The following CD200R1L variants were observed in gnomAD, a reference collection of about 807,000 sequenced individuals.
CD200R1L encodes the protein CD200 receptor 1 like.
In CD200R1L, 14 loss-of-function variants were observed where a neutral mutation model predicts 24.8. That is an observed-to-expected ratio of 0.56 (90% confidence interval 0.37 to 0.88). CD200R1L has a LOEUF of 0.88. Among genes scored for constraint, CD200R1L ranks in the 40% least tolerant of loss-of-function variants. CD200R1L has a pLI of 0.00. For synonymous variants in CD200R1L, 111 were observed against 109.2 expected (o/e 1.02, Z -0.11); for missense variants, 299 against 297.8 (o/e 1.00, Z -0.03).
At chr3:112,839,058 CAT>C (rs1454744886) in intron 2 of CD200R1L, among the ~76,000 whole-genome samples, 3 of 151,826 alleles carry the variant, frequency 2.0e-5, no homozygotes, top group Non-Finnish European at 4.4e-5. Flanking sequence ...CACACACACA[CAT>C]ACACACACAC....
intron 2 of CD200R1L, chr3:112,841,339 T>C: frequency 2.3e-6 from 1 of 442,594 alleles, no homozygotes; most frequent in Non-Finnish European, 4.5e-6. Context: ...ATGCTTCCTG[T>C]ACAGCCTGTG....
chr3:112,819,184 C>G (rs1051856553), intron 7 of CD200R1L, among the ~76,000 whole-genome samples: 1 of 152,126 alleles, frequency 6.6e-6, no homozygotes, highest in Non-Finnish European at 1.5e-5. Flanking sequence ...ATCACCTACA[C>G]CAAGTCCCTC....
chr3:112,830,775 A>G (rs1406835779), intron 3 of CD200R1L, among the ~76,000 whole-genome samples: 1 of 152,040 alleles, frequency 6.6e-6, no homozygotes, highest in East Asian at 1.9e-4. Flanking sequence ...TTTTCTTAAT[A>G]AGTATTTTAC....
chr3:112,819,000 G>A (rs1021408844), intron 7 of CD200R1L, among the ~76,000 whole-genome samples: 1 of 152,166 alleles, frequency 6.6e-6, no homozygotes, highest in Non-Finnish European at 1.5e-5. Context: ...TGGCTTAGGA[G>A]GCCTCAAGAA....
chr3:112,840,773 T>C (rs1159386979), intron 2 of CD200R1L, among the ~76,000 whole-genome samples: 1 of 152,250 alleles, frequency 6.6e-6, no homozygotes, highest in Non-Finnish European at 1.5e-5. Context: ...GCTAGAATTC[T>C]AGCTAGAAAA....
At chr3:112,839,204 A>G (rs1050631734) in intron 2 of CD200R1L, among the ~76,000 whole-genome samples, 2 of 152,212 alleles carry the variant, frequency 1.3e-5, no homozygotes, top group Non-Finnish European at 2.9e-5. Flanking sequence ...ATAAATTTTC[A>G]GAATTGTTTC....
At chr3:112,840,112 C>A (rs999522495) in intron 2 of CD200R1L, among the ~76,000 whole-genome samples, 2 of 152,158 alleles carry the variant, frequency 1.3e-5, no homozygotes, top group African/African-American at 4.8e-5. Context: ...CTGAATGAGG[C>A]CAAATTATTG....
chr3:112,844,587 A>G (rs1939157233), intron 2 of CD200R1L, among the ~76,000 whole-genome samples: 1 of 152,240 alleles, frequency 6.6e-6, no homozygotes. Context: ...ACCTACATCA[A>G]GAAGTTAGAA....
At chr3:112,834,213 G>A (rs1214726920) in intron 3 of CD200R1L, among the ~76,000 whole-genome samples, 5 of 151,124 alleles carry the variant, frequency 3.3e-5, no homozygotes, top group Admixed American at 2.0e-4. Flanking sequence ...TAGAAGTGGG[G>A]TAGTCTCACT....
At chr3:112,821,711 G>T (rs573346856) in intron 6 of CD200R1L, among the ~76,000 whole-genome samples, 80 of 152,174 alleles carry the variant, frequency 5.3e-4, no homozygotes, top group South Asian at 1.5e-3. Context: ...CCTAAACCTT[G>T]GCAAAATGAA....
chr3:112,845,660 G>A lies in CD200R1L; in HGVS notation c.-87+19C>T. On this transcript the variant is annotated intron_variant, in intron 2 of 7. Transcript: ENST00000488794. ...GAAAGCTTTATTTTCAGCTGAAAAT[G>A]TCACAGTATCAGACTTACCAGACAC... 1 of 1,595,484 alleles carries A rather than the reference G, an allele frequency of 6.3e-7. No homozygotes were observed. The highest frequency in any genetic ancestry group is 1.1e-5 in the South Asian group (1 of 90,096).
chr3:112,826,177 A>C (rs933037721), intron 6 of CD200R1L, among the ~76,000 whole-genome samples: 2 of 152,124 alleles, frequency 1.3e-5, no homozygotes, highest in African/African-American at 4.8e-5. Context: ...AATAATTATC[A>C]CAATAGCTAA....
At chr3:112,817,628 C>T (rs757224196) in intron 7 of CD200R1L, among the ~76,000 whole-genome samples, 1 of 152,248 alleles carries the variant, frequency 6.6e-6, no homozygotes, top group African/African-American at 2.4e-5. Context: ...GCCCCACCAA[C>T]TGCACTAGAG....
chr3:112,820,743 T>TG, intron 6 of CD200R1L, among the ~76,000 whole-genome samples: 1 of 151,474 alleles, frequency 6.6e-6, no homozygotes, highest in East Asian at 2.0e-4. Flanking sequence ...AAGCATAATC[T>TG]GAAGTCTCTT....
At chr3:112,845,247 T>C (rs1311908165) in intron 2 of CD200R1L, among the ~76,000 whole-genome samples, 1 of 152,180 alleles carries the variant, frequency 6.6e-6, no homozygotes, top group Non-Finnish European at 1.5e-5. Context: ...CCTCGGAGAC[T>C]ATTATAAACA....
rs1313360717 is a variant in CD200R1L, at chr3:112,845,946, T to G, written c.-354A>C. ...ACCACTGATGGGAAATGTCAGTGAG[T>G]TTTGCTGTGTAATAAAGCAAAAAAG... On this transcript the variant is annotated 5_prime_UTR_variant, in exon 2 of 8. Transcript: ENST00000488794. The G allele has an allele frequency of 1.9e-6, 1 of 518,634 alleles. No individual in the cohort carries two copies. Among genetic ancestry groups the G allele is most frequent in the African/African-American group, 1.9e-5 (1 of 51,418 alleles). The allele number at this position is 518,634 out of a possible 1,614,324, so 32.1% of individuals were successfully genotyped here.
At chr3:112,819,373 C>T (rs1387352777) in intron 7 of CD200R1L, among the ~76,000 whole-genome samples, 3 of 152,126 alleles carry the variant, frequency 2.0e-5, no homozygotes, top group Non-Finnish European at 4.4e-5. Context: ...TGACATCCAG[C>T]TCTTTCGATT....
chr3:112,841,113 C>T, intron 2 of CD200R1L: 1 of 215,800 alleles, frequency 4.6e-6, no homozygotes. Flanking sequence ...AAATTGTGAT[C>T]CTGAGTGGGG....
At position 112,841,879 on chromosome 3, in the gene CD200R1L, T is replaced by A. The variant is rs569638424; in HGVS notation, c.-87+3800A>T. ...ACCACCCAGAGGTATCAAGATGAGATCTGTGGCCTAAGTTCAAGCCAGAGA... is the reference window on the plus strand; with the variant it reads ...ACCACCCAGAGGTATCAAGATGAGAACTGTGGCCTAAGTTCAAGCCAGAGA... On this transcript the variant is annotated intron_variant, in intron 2 of 7. Coordinates refer to ENST00000488794, the MANE Select transcript of CD200R1L (RefSeq NM_001199215.3). 3.3e-5 allele frequency among the ~76,000 whole-genome samples: 5 copies of A among 152,152 alleles called. No individual in the cohort carries two copies. In the South Asian group the frequency reaches 1.0e-3, roughly 32 times the overall value.
Sources: gnomAD v4.1 joint callset for allele counts (sites outside exome capture counted in the v4.1 genomes callset) on GRCh38, gnomAD v4.1.1 for gene constraint, MANE v1.5 for transcripts, NCBI Gene and HGNC (gene_info 2026-07-23, HGNC 2026-07-21) for gene names.